KIRREL3: variants seen among roughly 807,000 people sequenced by gnomAD.
The protein encoded by KIRREL3 is kin of IRRE-like protein 3.
In KIRREL3, 36 loss-of-function variants were observed where a neutral mutation model predicts 89.7. The observed-to-expected ratio is 0.40, with a 90% CI of 0.31 to 0.53. The LOEUF is 0.53. Among genes scored for constraint, KIRREL3 ranks in the 20% least tolerant of loss-of-function variants. The pLI is 0.49. For missense variants in KIRREL3, 864 were observed against 1,056.6 expected, an observed-to-expected ratio of 0.82 and a Z score of 2.53; for synonymous variants, 445 against 441.4, an observed-to-expected ratio of 1.01 and a Z score of -0.10.
rs1045935048 is a variant in KIRREL3 at position 126,911,481 on chromosome 11, C to T, written c.55+88974G>A. ...AATCGAAGCTGCCCAGCCATTAAAT[C>T]ACCTTCACGGCCTCACTGGCCACGG... On this transcript the variant is annotated intron_variant, in intron 1 of 16. Coordinates refer to ENST00000525144, the MANE Select transcript of KIRREL3 (RefSeq NM_032531.4). Among the ~76,000 whole-genome samples, 12 of 152,178 alleles carry T rather than the reference C, an allele frequency of 7.9e-5. 1 individual carries two copies. The highest frequency in any genetic ancestry group is 4.6e-4 in the Admixed American group (7 of 15,284).
rs1221491927 is a variant in KIRREL3, at chr11:126,429,862, T to C, written c.1697-574A>G. On this transcript the variant is annotated intron_variant, in intron 14 of 16. Coordinates refer to ENST00000525144, the MANE Select transcript of KIRREL3 (RefSeq NM_032531.4). The surrounding 1 kb of genome is among the most constrained non-coding windows in gnomAD (Gnocchi z 5.2). ...CTCTGTTAGAAAATTCTTGGCTGGG[T>C]GCGGTGGCTCACGCCTGTAATCCCA... is the stretch of plus-strand genomic sequence containing the variant. Among the ~76,000 whole-genome samples, 20 of 152,206 alleles carry C rather than the reference T, an allele frequency of 1.3e-4. No homozygotes were observed. Among genetic ancestry groups the C allele is most frequent in the Admixed American group, 1.3e-3 (20 of 15,278 alleles).
rs145611754 is a variant in KIRREL3, at chr11:126,794,982, G to A, written c.55+205473C>T. Among the ~76,000 whole-genome samples the A allele has an allele frequency of 8.5e-3, 1,294 of 152,320 alleles. 4 individuals are homozygous for A. Among genetic ancestry groups the A allele is most frequent in the Non-Finnish European group, 0.014 (966 of 68,024 alleles). On this transcript the variant is annotated intron_variant, in intron 1 of 16. Coordinates refer to ENST00000525144, the MANE Select transcript of KIRREL3 (RefSeq NM_032531.4). The stretch of plus-strand genomic sequence containing the variant: ...AAATGCACATTGCTAAGCAGAAGAA[G>A]TCAGTCTGAAAAGGCTAAATACTGT...
At chr11:126,556,529 T>C (rs1018323106) in intron 2 of KIRREL3, among the ~76,000 whole-genome samples, 2 of 152,104 alleles carry the variant, frequency 1.3e-5, no homozygotes, top group South Asian at 2.1e-4. Flanking sequence ...TTCTTCTGGC[T>C]ACTTGGGAGG....
In KIRREL3 at chr11:126,776,489, C is replaced by T. The variant is rs1248214678; in HGVS notation, c.56-213577G>A. On this transcript the variant is annotated intron_variant, in intron 1 of 16. Coordinates refer to ENST00000525144, the MANE Select transcript of KIRREL3 (RefSeq NM_032531.4). The surrounding 1 kb of genome is among the most constrained non-coding windows in gnomAD (Gnocchi z 4.7). Reference sequence around the variant, plus strand: ...GCAGCACCATAGCAGAGATATGGTGCTGCAGGACACTGGCTGCAGACAGGT... The same window carrying T: ...GCAGCACCATAGCAGAGATATGGTGTTGCAGGACACTGGCTGCAGACAGGT... 6.6e-6 allele frequency among the ~76,000 whole-genome samples: 1 copy of T among 152,150 alleles called. No homozygotes were observed. The highest frequency in any genetic ancestry group is 1.5e-5 in the Non-Finnish European group (1 of 68,026).
chr11:126,455,080 C>T lies in KIRREL3; in HGVS notation c.848+1269G>A, dbSNP rs1387488933. 2.6e-5 allele frequency among the ~76,000 whole-genome samples: 4 copies of T among 152,174 alleles called. No homozygotes were observed. Among genetic ancestry groups the T allele is most frequent in the East Asian group, 1.9e-4 (1 of 5,186 alleles). On this transcript the variant is annotated intron_variant, in intron 7 of 16. Transcript: ENST00000525144. This position sits in a 1 kb window ranked among gnomAD's most constrained non-coding sequence, Gnocchi z 6.4. ...TTCCCTGTTCTCCATTCCCACAGGC[C>T]GGCTTATTTCCTAGGCTGGCACCAT...
intron 1 of KIRREL3, among the ~76,000 whole-genome samples, chr11:126,922,104 G>GATCT (rs200326360): frequency 8.4e-6 from 1 of 119,006 alleles, no homozygotes; most frequent in East Asian, 3.7e-4. Context: ...TCTATCTATC[G>GATCT]ATCTATCTAT....
rs984681786 is a variant in KIRREL3, at chr11:126,515,241, G to T, written c.433+6074C>A. 6.6e-6 allele frequency among the ~76,000 whole-genome samples: 1 copy of T among 152,006 alleles called. No individual in the cohort carries two copies. Among genetic ancestry groups the T allele is most frequent in the Admixed American group, 6.6e-5 (1 of 15,254 alleles). ...GTTCAAGACAAGCATTAGCAACATGGCAAAACCCGGTCTCTACAAAAACAA... is the reference window on the plus strand; with the variant it reads ...GTTCAAGACAAGCATTAGCAACATGTCAAAACCCGGTCTCTACAAAAACAA... On this transcript the variant is annotated intron_variant, in intron 4 of 16. Transcript: ENST00000525144. The surrounding 1 kb of genome is among the most constrained non-coding windows in gnomAD (Gnocchi z 4.2).
In KIRREL3 at chr11:126,471,444, C is replaced by T. The variant is rs1956889575; in HGVS notation, c.591+1865G>A. 6.6e-6 allele frequency among the ~76,000 whole-genome samples: 1 copy of T among 151,848 alleles called. No homozygotes were observed. ...GAAAAAAAGAAAAGACAGTTTGCTA[C>T]TCATAGTTCCCAGAGGAAGGGGAGG... On this transcript the variant is annotated intron_variant, in intron 5 of 16. Transcript: ENST00000525144. This position sits in a 1 kb window ranked among gnomAD's most constrained non-coding sequence, Gnocchi z 5.4.
intron 1 of KIRREL3, among the ~76,000 whole-genome samples, chr11:126,982,759 G>A (rs1362216343): frequency 6.6e-6 from 1 of 152,198 alleles, no homozygotes; most frequent in African/African-American, 2.4e-5. Flanking sequence ...CTACCCTGCA[G>A]CAAATCATAC....
rs2134410451 is a variant in KIRREL3, at chr11:126,515,222, G to A, written c.433+6093C>T. ...GGATCCCTTGAGCCCAGAAGTTCAA[G>A]ACAAGCATTAGCAACATGGCAAAAC... On this transcript the variant is annotated intron_variant, in intron 4 of 16. Coordinates refer to ENST00000525144, the MANE Select transcript of KIRREL3 (RefSeq NM_032531.4). This position sits in a 1 kb window ranked among gnomAD's most constrained non-coding sequence, Gnocchi z 4.2. Among the ~76,000 whole-genome samples the A allele has an allele frequency of 1.3e-5, 2 of 152,252 alleles. No homozygotes were observed. Among genetic ancestry groups the A allele is most frequent in the South Asian group, 4.1e-4 (2 of 4,822 alleles).
chr11:126,482,916 C>G (rs1957260681), intron 4 of KIRREL3, among the ~76,000 whole-genome samples: 1 of 152,256 alleles, frequency 6.6e-6, no homozygotes, highest in African/African-American at 2.4e-5. Flanking sequence ...TGCTGACTCA[C>G]AGTTTTGGAG....
In KIRREL3 at chr11:126,704,337, C is replaced by T. The variant is rs980521369; in HGVS notation, c.56-141425G>A. Among the ~76,000 whole-genome samples, 3 of 152,078 alleles carry T rather than the reference C, an allele frequency of 2.0e-5. No homozygotes were observed. Among genetic ancestry groups the T allele is most frequent in the Non-Finnish European group, 4.4e-5 (3 of 67,996 alleles). On this transcript the variant is annotated intron_variant, in intron 1 of 16. Transcript: ENST00000525144. This position sits in a 1 kb window ranked among gnomAD's most constrained non-coding sequence, Gnocchi z 4.2. ...AACAGCTGGTAGGAAGCATGTTTGT[C>T]GGGGTGTGGGGAGTGCAGGAGAGAG... is the stretch of plus-strand genomic sequence containing the variant.
Position 126,528,893 on chromosome 11 carries a change from C to G in KIRREL3, c.134-2206G>C, listed in dbSNP as rs1958851077. Among the ~76,000 whole-genome samples, 1 of 151,820 alleles carries G rather than the reference C, an allele frequency of 6.6e-6. No homozygotes were observed. Among genetic ancestry groups the G allele is most frequent in the African/African-American group, 2.4e-5 (1 of 41,294 alleles). ...GGTGGAAAGGACTCCTTCTCTGGCTCCTTTTACTCTAATGATGATTTCACA... is the reference window on the plus strand; with the variant it reads ...GGTGGAAAGGACTCCTTCTCTGGCTGCTTTTACTCTAATGATGATTTCACA... On this transcript the variant is annotated intron_variant, in intron 2 of 16. Transcript: ENST00000525144. This position sits in a 1 kb window ranked among gnomAD's most constrained non-coding sequence, Gnocchi z 4.6.
At position 126,768,243 on chromosome 11, in the gene KIRREL3, C is replaced by T. The variant is rs1413931424; in HGVS notation, c.56-205331G>A. Reference sequence around the variant, plus strand: ...CATCCATTCAATCTGTCCATCTGTCCATCCATACATGCATCCACCCATCCA... The same window carrying T: ...CATCCATTCAATCTGTCCATCTGTCTATCCATACATGCATCCACCCATCCA... On this transcript the variant is annotated intron_variant, in intron 1 of 16. Transcript: ENST00000525144. The surrounding 1 kb of genome is among the most constrained non-coding windows in gnomAD (Gnocchi z 4.5). Among the ~76,000 whole-genome samples the T allele has an allele frequency of 6.6e-6, 1 of 151,080 alleles. No individual in the cohort carries two copies. The highest frequency in any genetic ancestry group is 1.5e-5 in the Non-Finnish European group (1 of 67,868).
intron 1 of KIRREL3, among the ~76,000 whole-genome samples, chr11:126,863,795 T>A (rs922290138): frequency 6.6e-6 from 1 of 152,172 alleles, no homozygotes; most frequent in Non-Finnish European, 1.5e-5. Flanking sequence ...AGGGGGGATT[T>A]TACAGGCTTC....
Position 126,796,482 on chromosome 11 carries a change from C to T in KIRREL3, c.55+203973G>A, listed in dbSNP as rs1254127312. Among the ~76,000 whole-genome samples the T allele has an allele frequency of 6.6e-6, 1 of 152,072 alleles. No homozygotes were observed. The highest frequency in any genetic ancestry group is 2.4e-5 in the African/African-American group (1 of 41,392). ...CCTTCACCTTAAATATAGCAAGTTACTTGAATGGTGCGATTTGAAAAGCCT... is the reference window on the plus strand; with the variant it reads ...CCTTCACCTTAAATATAGCAAGTTATTTGAATGGTGCGATTTGAAAAGCCT... On this transcript the variant is annotated intron_variant, in intron 1 of 16. Transcript: ENST00000525144. This position sits in a 1 kb window ranked among gnomAD's most constrained non-coding sequence, Gnocchi z 5.1.
rs984557685 is a variant in KIRREL3, at chr11:126,796,245, G to A, written c.55+204210C>T. Among the ~76,000 whole-genome samples the A allele has an allele frequency of 6.6e-6, 1 of 151,886 alleles. No homozygotes were observed. The highest frequency in any genetic ancestry group is 1.5e-5 in the Non-Finnish European group (1 of 67,956). On this transcript the variant is annotated intron_variant, in intron 1 of 16. Transcript: ENST00000525144. The surrounding 1 kb of genome is among the most constrained non-coding windows in gnomAD (Gnocchi z 5.1). The stretch of plus-strand genomic sequence containing the variant: ...AATCAGACTGATTCTATGTTAAAAT[G>A]GTGAACAAAAAAACCAAGGACTTGA...
At chr11:126,673,245 C>T (rs547209208) in intron 1 of KIRREL3, among the ~76,000 whole-genome samples, 6 of 152,294 alleles carry the variant, frequency 3.9e-5, no homozygotes, top group African/African-American at 1.2e-4. Flanking sequence ...CTCGAAAGAG[C>T]GGAGAGGTTG....
intron 1 of KIRREL3, among the ~76,000 whole-genome samples, chr11:126,975,059 C>A (rs1013019984): frequency 6.6e-6 from 1 of 152,134 alleles, no homozygotes; most frequent in East Asian, 1.9e-4. Context: ...AATCTGCCTG[C>A]CTCTGTCTCC....
Sources: gnomAD v4.1 joint callset for allele counts (sites outside exome capture counted in the v4.1 genomes callset) on GRCh38, gnomAD v4.1.1 for gene constraint, Gnocchi (gnomAD v3.1) non-coding constraint, MANE v1.5 for transcripts, NCBI Gene and HGNC (gene_info 2026-07-23, HGNC 2026-07-21) for gene names.